Variants in PARL observed in about 807,000 individuals in gnomAD.
PARL encodes the protein presenilin associated rhomboid like.
In PARL, 44 loss-of-function variants were observed where a neutral mutation model predicts 51.6. The observed-to-expected ratio is 0.85, with a 90% confidence interval of 0.67 to 1.10. The LOEUF is 1.10. Among genes scored for constraint, PARL ranks in the 50% least tolerant of loss-of-function variants. The pLI, the probability that PARL is intolerant of heterozygous loss-of-function variation, is 0.00. For missense variants in PARL, 441 were observed against 469.5 expected, an observed-to-expected ratio of 0.94 and a Z score of 0.56; for synonymous variants, 172 against 164.0, an observed-to-expected ratio of 1.05 and a Z score of -0.37.
At chr3:183,876,629 A>G (rs1303139456) in intron 1 of PARL, among the ~76,000 whole-genome samples, 440 of 120,982 alleles carry the variant, frequency 3.6e-3, no homozygotes, top group African/African-American at 0.013. Context: ...AAAAAAAAAA[A>G]AAAAAAAAAG....
At chr3:183,863,891 TATC>T (rs1341326969) in intron 3 of PARL, among the ~76,000 whole-genome samples, 2 of 152,244 alleles carry the variant, frequency 1.3e-5, no homozygotes, top group Non-Finnish European at 2.9e-5. Context: ...ACATTCAACT[TATC>T]ATTTAATTAT....
chr3:183,850,012 A>T (rs893387230), intron 4 of PARL, among the ~76,000 whole-genome samples: 1 of 152,252 alleles, frequency 6.6e-6, no homozygotes, highest in African/African-American at 2.4e-5. Context: ...GAACAGACCA[A>T]GAGTAAGTAA....
At position 183,861,285 on chromosome 3, in the gene PARL, T is replaced by A. The variant is rs111490403; in HGVS notation, c.511+1468A>T. 49 of 958,200 alleles carry A rather than the reference T, an allele frequency of 5.1e-5. 1 individual carries two copies. The African/African-American group carries it at 6.2e-4, about 12-fold the overall frequency. 59.4% of individuals were successfully genotyped at this position (958,200 alleles called of 1,614,324 possible). ...AAAATCTCAATCCCTTGGTTAAGAT[T>A]CCATTCAACATTCATTCACTCAACA... On this transcript the variant is annotated intron_variant, in intron 4 of 9. Transcript: ENST00000317096.
intron 9 of PARL, among the ~76,000 whole-genome samples, chr3:183,830,296 A>G (rs1374248759): frequency 6.6e-6 from 1 of 152,244 alleles, no homozygotes; most frequent in Non-Finnish European, 1.5e-5. Flanking sequence ...AGGCTGACGC[A>G]CAGAGAGGTT....
chr3:183,842,266 C>G lies in PARL; in HGVS notation c.757+32G>C, dbSNP rs763117209. The G allele has an allele frequency of 5.0e-6, 8 of 1,605,860 alleles. No homozygotes were observed. The Admixed American group carries it at 1.3e-4, about 27-fold the overall frequency. On this transcript the variant is annotated intron_variant, in intron 6 of 9. Transcript: ENST00000317096. ...CTGCAGATAGCTTAGAGTGCTTATA[C>G]TCTCAAAGGCCCCGAGATTAAAGCA...
At chr3:183,832,514 T>C in intron 9 of PARL, among the ~76,000 whole-genome samples, 1 of 152,130 alleles carries the variant, frequency 6.6e-6, no homozygotes, top group Admixed American at 6.6e-5. Context: ...CCACTGCACC[T>C]GGCCAGAATA....
At chr3:183,881,191 G>A (rs965282258) in intron 1 of PARL, among the ~76,000 whole-genome samples, 4 of 149,580 alleles carry the variant, frequency 2.7e-5, no homozygotes, top group Non-Finnish European at 4.4e-5. Context: ...ATGCAATCTC[G>A]GCTCACTGCA....
intron 6 of PARL, 53 bp downstream of exon 6, chr3:183,842,245 A>G: frequency 6.5e-7 from 1 of 1,528,390 alleles, no homozygotes; most frequent in Non-Finnish European, 9.1e-7. Context: ...TCCGTTCTGC[A>G]GATAGCTTAG....
At chr3:183,873,404 T>G (rs1310388959) in intron 1 of PARL, among the ~76,000 whole-genome samples, 13 of 152,068 alleles carry the variant, frequency 8.5e-5, no homozygotes, top group Non-Finnish European at 1.9e-4. Context: ...ACAGGCGTGG[T>G]GGCACATGCC....
At chr3:183,849,392 A>C (rs1730306518) in intron 4 of PARL, among the ~76,000 whole-genome samples, 1 of 152,234 alleles carries the variant, frequency 6.6e-6, no homozygotes, top group African/African-American at 2.4e-5. Flanking sequence ...CAGAAAATTC[A>C]CCAGTATATG....
intron 4 of PARL, among the ~76,000 whole-genome samples, chr3:183,845,978 C>G (rs1439821553): frequency 6.6e-6 from 1 of 151,994 alleles, no homozygotes; most frequent in Non-Finnish European, 1.5e-5. Flanking sequence ...AATTGTGGTT[C>G]AAGGCAAAGA....
At chr3:183,844,411 C>T in intron 4 of PARL, 85 bp from the exon 5 acceptor site, 2 of 881,238 alleles carry the variant, frequency 2.3e-6, no homozygotes, top group Non-Finnish European at 3.8e-6. Context: ...TAAGATTCTT[C>T]CACAATTATG....
chr3:183,845,216 T>C (rs1729806918), intron 4 of PARL, among the ~76,000 whole-genome samples: 2 of 152,130 alleles, frequency 1.3e-5, no homozygotes. Flanking sequence ...TTAGAAAACA[T>C]TCTTTGTCTT....
chr3:183,840,567 T>TA lies in PARL; in HGVS notation c.828+2dup. On this transcript the variant is annotated splice_region_variant and intron_variant, in intron 7 of 9. Coordinates refer to ENST00000317096, the MANE Select transcript of PARL (RefSeq NM_018622.7). ...AAAAAAAATTTACAATAGAAATACTTACTGCACCAAGTGATGGTCCATATC... is the reference window on the plus strand; with the variant it reads ...AAAAAAAATTTACAATAGAAATACTTAACTGCACCAAGTGATGGTCCATATC... The TA allele has an allele frequency of 7.1e-7, 1 of 1,402,358 alleles. No homozygotes were observed. The highest frequency in any genetic ancestry group is 1.0e-6 in the Non-Finnish European group (1 of 1,002,002). 86.9% of individuals were successfully genotyped at this position (1,402,358 alleles called of 1,614,324 possible). A position where few individuals can be genotyped will look rare whatever the true frequency, so the allele number is the denominator to read the frequency against.
At chr3:183,866,913 G>A in intron 2 of PARL, 148 bp from the exon 3 acceptor site, 1 of 625,234 alleles carries the variant, frequency 1.6e-6, no homozygotes, top group Admixed American at 3.0e-5. Flanking sequence ...AGTGAAAAGG[G>A]CTTTTTTTTT....
intron 7 of PARL, 73 bp from the exon 8 acceptor site, chr3:183,833,898 C>T (rs555936954): frequency 3.2e-6 from 3 of 950,642 alleles, no homozygotes; most frequent in Non-Finnish European, 5.2e-6. Flanking sequence ...GTCTAAAGAG[C>T]AGCACATTTT....
At chr3:183,835,487 T>C (rs1304304508) in intron 7 of PARL, among the ~76,000 whole-genome samples, 1 of 152,168 alleles carries the variant, frequency 6.6e-6, no homozygotes, top group Non-Finnish European at 1.5e-5. Context: ...TCAGGGTAAC[T>C]GCAAGATGGA....
chr3:183,856,729 G>A (rs760791087), intron 4 of PARL, among the ~76,000 whole-genome samples: 4 of 152,236 alleles, frequency 2.6e-5, no homozygotes, highest in African/African-American at 4.8e-5. Context: ...TACTCTCCCT[G>A]CAGATGAGAA....
intron 1 of PARL, among the ~76,000 whole-genome samples, chr3:183,869,620 T>C (rs1732944965): frequency 6.6e-6 from 1 of 152,092 alleles, no homozygotes; most frequent in Non-Finnish European, 1.5e-5. Flanking sequence ...TAACGAACAA[T>C]ATTCAGTGAG....
Sources: gnomAD v4.1 joint callset for allele counts (sites outside exome capture counted in the v4.1 genomes callset) on GRCh38, gnomAD v4.1.1 for gene constraint, MANE v1.5 for transcripts, NCBI Gene and HGNC (gene_info 2026-07-23, HGNC 2026-07-21) for gene names.